The following PCDHA4 variants were observed in gnomAD, a reference collection of about 807,000 sequenced individuals.
PCDHA4 encodes protocadherin alpha-4.
PCDHA4 carries 49 observed loss-of-function variants against 61.4 expected under a neutral mutation model. The observed-to-expected ratio is 0.80, with a 90% CI of 0.63 to 1.01. The LOEUF is 1.01. PCDHA4 is among the 50% of genes least tolerant of loss of function. The probability of loss-of-function intolerance (pLI) is 0.00; values close to 1 mark genes in which losing one functional copy is unlikely to be tolerated. For synonymous variants in PCDHA4, 590 were observed against 550.3 expected (o/e 1.07, Z -1.01); for missense variants, 1,254 against 1,235.8 (o/e 1.01, Z -0.22).
At chr5:140,825,416 A>C (rs1275589572) in intron 1 of PCDHA4, 1 of 147,362 alleles carries the variant, frequency 6.8e-6, no homozygotes. Flanking sequence ...ATTTTATATA[A>C]TATATATAAT....
At chr5:140,900,695 C>T (rs889860103) in intron 1 of PCDHA4, among the ~76,000 whole-genome samples, 4 of 152,170 alleles carry the variant, frequency 2.6e-5, no homozygotes, top group Non-Finnish European at 5.9e-5. Context: ...TACTGATTTC[C>T]GTTCTTTTGG....
chr5:140,920,456 T>C (rs2079640226), intron 1 of PCDHA4, among the ~76,000 whole-genome samples: 1 of 152,192 alleles, frequency 6.6e-6, no homozygotes, highest in African/African-American at 2.4e-5. Flanking sequence ...AATTGACAAA[T>C]TTGTTATATT....
intron 1 of PCDHA4, among the ~76,000 whole-genome samples, chr5:140,910,353 A>G (rs938677700): frequency 1.1e-4 from 16 of 152,306 alleles, no homozygotes; most frequent in African/African-American, 3.8e-4. Context: ...TCTGCTGTCC[A>G]TTATGGTAGC....
intron 3 of PCDHA4, among the ~76,000 whole-genome samples, chr5:140,982,908 C>A (rs1554244948): frequency 2.0e-5 from 3 of 151,668 alleles, no homozygotes; most frequent in Non-Finnish European, 2.9e-5. Flanking sequence ...GCCTTATGCA[C>A]AGAGATGACA....
At chr5:140,871,682 A>C (rs1207167654) in intron 1 of PCDHA4, 1 of 1,103,566 alleles carries the variant, frequency 9.1e-7, no homozygotes, top group Non-Finnish European at 1.3e-6. Context: ...TCATATGAAT[A>C]ATCTGGCTTC....
Position 140,808,692 on chromosome 5 carries a change from G to T in PCDHA4, c.1505G>T (p.Arg502Leu), listed in dbSNP as rs555898168. 1.9e-6 allele frequency: 3 copies of T among 1,612,102 alleles called. No homozygotes were observed. The African/African-American group carries it at 4.0e-5, about 22-fold the overall frequency. ...YSLVERRVGERALSSYVSVHA... is the reference protein window; with the variant it reads ...YSLVERRVGELALSSYVSVHA... ...CTGGTAGAGCGGCGGGTAGGGGAGC[G>T]CGCGCTGTCGAGCTACGTTTCGGTG... Residue 502 changes from arginine (R) to leucine (L), a missense_variant, in exon 1 of 4, where the codon CGC becomes CTC. Transcript: ENST00000530339.
chr5:140,941,202 C>CTTTCTCTCTTT (rs1554213921), intron 1 of PCDHA4, among the ~76,000 whole-genome samples: 1 of 122,742 alleles, frequency 8.1e-6, no homozygotes, highest in African/African-American at 3.0e-5. Flanking sequence ...TTTCTTTCTT[C>CTTTCTCTCTTT]CTTTCTTTCT....
chr5:140,967,865 C>G, intron 1 of PCDHA4: 1 of 1,614,164 alleles, frequency 6.2e-7, no homozygotes, highest in Non-Finnish European at 8.5e-7. Flanking sequence ...AGAGGTGGTG[C>G]TCACGGACCT....
intron 2 of PCDHA4, among the ~76,000 whole-genome samples, chr5:140,979,467 ATTG>A (rs1219222898): frequency 6.6e-6 from 1 of 151,680 alleles, no homozygotes; most frequent in Non-Finnish European, 1.5e-5. Context: ...ATTGATTGCT[ATTG>A]TTGTTTGTGT....
chr5:140,950,896 A>G (rs1023778505), intron 1 of PCDHA4, among the ~76,000 whole-genome samples: 1 of 151,834 alleles, frequency 6.6e-6, no homozygotes, highest in Non-Finnish European at 1.5e-5. Context: ...TCTGAGATTT[A>G]TTTTATTTTT....
Position 140,807,105 on chromosome 5 carries a change from G to A in PCDHA4, c.-83G>A. 1 of 1,454,334 alleles carries A rather than the reference G, an allele frequency of 6.9e-7. No individual in the cohort carries two copies. Among genetic ancestry groups the A allele is most frequent in the South Asian group, 1.3e-5 (1 of 75,908 alleles). 90.1% of individuals were successfully genotyped at this position (1,454,334 alleles called of 1,614,324 possible). A position where few individuals can be genotyped will look rare whatever the true frequency, so the allele number is the denominator to read the frequency against. ...TGGAGTCTGAAATATGGAGGATGCA[G>A]CTGCACTTGACTGACCGATTAAAAG... is the stretch of plus-strand genomic sequence containing the variant. On this transcript the variant is annotated 5_prime_UTR_variant, in exon 1 of 4. Coordinates refer to ENST00000530339, the MANE Select transcript of PCDHA4 (RefSeq NM_018907.4).
chr5:140,857,727 AC>A, intron 1 of PCDHA4: 1 of 1,597,294 alleles, frequency 6.3e-7, no homozygotes, highest in Non-Finnish European at 8.6e-7. Context: ...GAGAACGACA[AC>A]GCTCCCGCGC....
chr5:140,922,441 A>G (rs2080844983), intron 1 of PCDHA4, among the ~76,000 whole-genome samples: 1 of 152,216 alleles, frequency 6.6e-6, no homozygotes, highest in Non-Finnish European at 1.5e-5. Flanking sequence ...GAACTCTCTC[A>G]TTATCCTATT....
intron 1 of PCDHA4, among the ~76,000 whole-genome samples, chr5:140,886,827 GAAAAAAAAAA>G (rs782016620): frequency 1.6e-5 from 1 of 60,890 alleles, no homozygotes; most frequent in East Asian, 5.7e-4. Flanking sequence ...ACTTCGTCTT[GAAAAAAAAAA>G]AAAAAAAAAA....
intron 1 of PCDHA4, among the ~76,000 whole-genome samples, chr5:140,936,053 C>A (rs576745037): frequency 1.3e-5 from 2 of 151,934 alleles, no homozygotes; most frequent in African/African-American, 4.8e-5. Context: ...CCACCACACC[C>A]GGCTAATTTT....
chr5:140,835,615 G>A, intron 1 of PCDHA4: 1 of 1,613,924 alleles, frequency 6.2e-7, no homozygotes, highest in South Asian at 1.1e-5. Flanking sequence ...GTGCTGGACA[G>A]CGCTCTGGAC....
At chr5:140,875,740 A>G (rs377133743) in intron 1 of PCDHA4, 14 of 1,614,104 alleles carry the variant, frequency 8.7e-6, no homozygotes, top group Non-Finnish European at 1.2e-5. Context: ...GAATTCTCGG[A>G]TCGACCGCGA....
chr5:140,857,197 G>A, intron 1 of PCDHA4: 2 of 1,598,586 alleles, frequency 1.3e-6, no homozygotes, highest in South Asian at 1.1e-5. Context: ...CCAACGGACA[G>A]GTCACCTGCT....
chr5:140,980,749 G>A (rs1388943582), intron 2 of PCDHA4, among the ~76,000 whole-genome samples: 1 of 151,942 alleles, frequency 6.6e-6, no homozygotes, highest in Non-Finnish European at 1.5e-5. Flanking sequence ...TTTGAGTAGG[G>A]TAAGAAATAA....
Sources: gnomAD v4.1 joint callset for allele counts (sites outside exome capture counted in the v4.1 genomes callset) on GRCh38, gnomAD v4.1.1 for gene constraint, MANE v1.5 for transcripts, NCBI Gene and HGNC (gene_info 2026-07-23, HGNC 2026-07-21) for gene names.